Variants in ZC3H7B observed in about 807,000 individuals in gnomAD.
ZC3H7B encodes the protein zinc finger CCCH-type containing 7B, also known as zinc finger CCCH domain-containing protein 7B.
Under a neutral mutation model 116.0 loss-of-function variants are expected in ZC3H7B, and 35 were observed. The ratio of observed to expected loss-of-function variants is 0.30; its 90% confidence interval spans 0.23 to 0.40. The LOEUF (loss-of-function observed/expected upper bound fraction) is 0.40, where lower values mean the gene tolerates loss of function less well. ZC3H7B is among the 10% of genes least tolerant of loss of function. The probability of loss-of-function intolerance (pLI) is 1.00; values close to 1 mark genes in which losing one functional copy is unlikely to be tolerated. For synonymous variants in ZC3H7B, 502 were observed against 545.6 expected (o/e 0.92, Z 1.11); for missense variants, 1,011 against 1,321.5 (o/e 0.77, Z 3.64).
rs555739304 is a variant in ZC3H7B at position 41,305,179 on chromosome 22, T to C, written c.-7+3407T>C. Among the ~76,000 whole-genome samples the C allele has an allele frequency of 2.6e-5, 4 of 152,262 alleles. No homozygotes were observed. In the East Asian group the frequency reaches 7.7e-4, roughly 29 times the overall value. ...GGCCAACATGGTGAAACCCCACCTC[T>C]ACTAAAAGTACAAAACTTAGCTGGA... On this transcript the variant is annotated intron_variant, in intron 1 of 22. Coordinates refer to ENST00000352645, the MANE Select transcript of ZC3H7B (RefSeq NM_017590.6).
At chr22:41,352,606 CA>C (rs1255188477) in intron 17 of ZC3H7B, among the ~76,000 whole-genome samples, 1 of 151,818 alleles carries the variant, frequency 6.6e-6, no homozygotes, top group Admixed American at 6.6e-5. Context: ...ACTAAAAATA[CA>C]AAAAATTAGC....
intron 1 of ZC3H7B, among the ~76,000 whole-genome samples, chr22:41,317,077 ATCC>A (rs2036194684): frequency 2.6e-5 from 4 of 152,102 alleles, no homozygotes; most frequent in Non-Finnish European, 4.4e-5. Context: ...TGACCTCGTT[ATCC>A]GCCTGCCTCA....
intron 7 of ZC3H7B, chr22:41,335,520 A>G (rs2036433372): frequency 6.6e-6 from 1 of 152,228 alleles, no homozygotes; most frequent in Admixed American, 6.5e-5. Context: ...GGCAGGATCT[A>G]GCAGGGAGAA....
intron 7 of ZC3H7B, chr22:41,334,919 C>T (rs1393349988): frequency 6.6e-6 from 1 of 152,220 alleles, no homozygotes; most frequent in African/African-American, 2.4e-5. Context: ...AGTGTCTGTG[C>T]AAGAGCTGTC....
At position 41,327,105 on chromosome 22, in the gene ZC3H7B, C is replaced by T. The variant is rs1365760769; in HGVS notation, c.286-101C>T. The T allele has an allele frequency of 6.6e-7, 1 of 1,519,078 alleles. No homozygotes were observed. The highest frequency in any genetic ancestry group is 8.9e-7 in the Non-Finnish European group (1 of 1,126,970). 94.1% of individuals were successfully genotyped at this position (1,519,078 alleles called of 1,614,324 possible). On this transcript the variant is annotated intron_variant, in intron 4 of 22. Coordinates refer to ENST00000352645, the MANE Select transcript of ZC3H7B (RefSeq NM_017590.6). The surrounding 1 kb of genome is among the most constrained non-coding windows in gnomAD (Gnocchi z 4.5). ...CAAGACTTCAGCTCCTCTGTCTCTG[C>T]CAGGAAGGGAAGCTGGTGTTCCTTC...
chr22:41,318,733 A>G (rs1277431204), intron 1 of ZC3H7B, among the ~76,000 whole-genome samples: 1 of 152,080 alleles, frequency 6.6e-6, no homozygotes, highest in Admixed American at 6.6e-5. Context: ...CCGTCTCAGA[A>G]AAGAAAATGA....
intron 1 of ZC3H7B, among the ~76,000 whole-genome samples, chr22:41,306,627 C>T (rs1446383946): frequency 1.3e-5 from 2 of 152,208 alleles, no homozygotes; most frequent in Non-Finnish European, 2.9e-5. Context: ...GCCTGGGCCT[C>T]TCAAAGTGCT....
At chr22:41,330,858 CTTTTT>C (rs1162413000) in intron 6 of ZC3H7B, among the ~76,000 whole-genome samples, 1 of 128,660 alleles carries the variant, frequency 7.8e-6, no homozygotes, top group Non-Finnish European at 1.6e-5. Flanking sequence ...AGGAGAATCA[CTTTTT>C]TTTTTTTTTT....
In ZC3H7B at chr22:41,325,930, A is replaced by G. The variant is rs1400250178; in HGVS notation, c.285+12A>G. 2.8e-5 allele frequency: 45 copies of G among 1,593,212 alleles called. No individual in the cohort carries two copies. Among genetic ancestry groups the G allele is most frequent in the Non-Finnish European group, 3.2e-5 (37 of 1,170,928 alleles). On this transcript the variant is annotated intron_variant, in intron 4 of 22. Coordinates refer to ENST00000352645, the MANE Select transcript of ZC3H7B (RefSeq NM_017590.6). Reference sequence around the variant, plus strand: ...GCTACTTCACCATGGTGAGCCTGGCACCCTCTTTTCTCTCCTCCTCTGCTG... The same window carrying G: ...GCTACTTCACCATGGTGAGCCTGGCGCCCTCTTTTCTCTCCTCCTCTGCTG...
At chr22:41,332,573 G>C in intron 7 of ZC3H7B, 1 of 261,256 alleles carries the variant, frequency 3.8e-6, no homozygotes, top group Non-Finnish European at 7.4e-6. Context: ...AGGCCCCTGG[G>C]CCTCAAATGT....
At chr22:41,330,432 A>G (rs1247118247) in intron 6 of ZC3H7B, among the ~76,000 whole-genome samples, 1 of 152,082 alleles carries the variant, frequency 6.6e-6, no homozygotes, top group Non-Finnish European at 1.5e-5. Flanking sequence ...ATATGGTGCA[A>G]ATTTGAAGTG....
chr22:41,343,378 CT>C (rs1285656566), intron 12 of ZC3H7B, 36 bp from the exon 13 acceptor site: 1 of 1,581,684 alleles, frequency 6.3e-7, no homozygotes, highest in South Asian at 1.1e-5. Context: ...TTCAATTCTG[CT>C]TCCGGAATTA....
intron 2 of ZC3H7B, among the ~76,000 whole-genome samples, chr22:41,324,921 G>A (rs1338172385): frequency 6.6e-6 from 1 of 152,160 alleles, no homozygotes; most frequent in East Asian, 1.9e-4. Context: ...TGGCACTCCT[G>A]CTGCAGCAGC....
chr22:41,356,241 C>G, intron 20 of ZC3H7B, 102 bp from the exon 21 acceptor site: 1 of 1,563,106 alleles, frequency 6.4e-7, no homozygotes, highest in Non-Finnish European at 8.7e-7. Context: ...GGCCTATCAG[C>G]AGGACTTGGG....
At chr22:41,355,385 C>A in intron 17 of ZC3H7B, 84 bp from the exon 18 acceptor site, 1 of 1,556,882 alleles carries the variant, frequency 6.4e-7, no homozygotes, top group South Asian at 1.2e-5. Flanking sequence ...CCAAGGCTCT[C>A]CCAGAGGACA....
rs924586610 is a variant in ZC3H7B, at chr22:41,338,685, CT to C, written c.626-312del. Among the ~76,000 whole-genome samples the C allele has an allele frequency of 6.6e-6, 1 of 152,128 alleles. No individual in the cohort carries two copies. The highest frequency in any genetic ancestry group is 2.4e-5 in the African/African-American group (1 of 41,414). On this transcript the variant is annotated intron_variant, in intron 8 of 22. Transcript: ENST00000352645. This position sits in a 1 kb window ranked among gnomAD's most constrained non-coding sequence, Gnocchi z 4.5. ...CTCATTGGCTTCCAGAAAAGGTTGC[CT>C]TTTAAGAGTGTCCCCTGGAGAGGGC...
chr22:41,319,167 C>T (rs2036221131), intron 1 of ZC3H7B, among the ~76,000 whole-genome samples: 2 of 152,028 alleles, frequency 1.3e-5, no homozygotes, highest in Admixed American at 6.6e-5. Flanking sequence ...TTTGGGAGGC[C>T]AAGGTGGGCA....
chr22:41,355,289 C>T (rs901040209), intron 17 of ZC3H7B, among the ~76,000 whole-genome samples, 180 bp from the exon 18 acceptor site: 2 of 152,194 alleles, frequency 1.3e-5, no homozygotes, highest in Non-Finnish European at 2.9e-5. Context: ...AGCCCCGTTC[C>T]AGGCCTGGCT....
At chr22:41,321,213 ATT>A (rs71847593) in intron 2 of ZC3H7B, among the ~76,000 whole-genome samples, 23 of 129,778 alleles carry the variant, frequency 1.8e-4, no homozygotes, top group Admixed American at 3.9e-4. Context: ...TACCCAGCTA[ATT>A]TTTTTTTTTT....
Sources: allele counts gnomAD v4.1 joint callset (sites outside exome capture counted in the v4.1 genomes callset), GRCh38; gene constraint gnomAD v4.1.1; non-coding constraint Gnocchi (gnomAD v3.1); transcripts MANE v1.5; gene names NCBI Gene and HGNC (gene_info 2026-07-23, HGNC 2026-07-21).